Variants in ADAMTS18 observed in about 807,000 individuals in gnomAD.
The protein encoded by ADAMTS18 is ADAM metallopeptidase with thrombospondin type 1 motif 18.
Under a neutral mutation model 165.9 loss-of-function variants are expected in ADAMTS18, and 157 were observed. That is an observed-to-expected ratio of 0.95 (90% CI 0.83 to 1.08). ADAMTS18 has a LOEUF of 1.08. Ranked by LOEUF, ADAMTS18 falls within the 50% of genes least tolerant of loss-of-function variation. The probability of loss-of-function intolerance (pLI) is 0.00; values close to 1 mark genes in which losing one functional copy is unlikely to be tolerated. For missense variants in ADAMTS18, 2,040 were observed against 1,534.0 expected (o/e 1.33, Z -5.51); for synonymous variants, 782 against 578.2 (o/e 1.35, Z -5.06).
chr16:77,351,430 G>T (rs529223461), intron 10 of ADAMTS18, among the ~76,000 whole-genome samples: 7 of 152,250 alleles, frequency 4.6e-5, no homozygotes, highest in African/African-American at 1.4e-4. Context: ...ATTTAAAAAG[G>T]TTGTTTAAGC....
intron 12 of ADAMTS18, among the ~76,000 whole-genome samples, chr16:77,330,789 T>C (rs369306164): frequency 1.6e-4 from 25 of 152,194 alleles, no homozygotes; most frequent in Admixed American, 6.5e-4. Context: ...ATAAAGTCTG[T>C]TCTGGGAAAA....
chr16:77,334,166 A>ATAT (rs2056244021), intron 12 of ADAMTS18, among the ~76,000 whole-genome samples: 1 of 96,314 alleles, frequency 1.0e-5, no homozygotes, highest in African/African-American at 4.3e-5. Flanking sequence ...ATACAGTGTT[A>ATAT]TATATTATAT....
rs778088190 is a variant in ADAMTS18, at chr16:77,367,494, T to C, written c.725A>G (p.Glu242Gly). The change falls in exon 4 of 23, where the codon GAG (glutamate) becomes GGG (glycine). Residue 242 changes from glutamate (E) to glycine (G), a missense_variant. Transcript: ENST00000282849. Reference sequence around the variant, plus strand: ...CTTTTGCAACCTTCGATGGTGATACTCTGTCTCTCGACTCTGAGATGCATG... The same window carrying C: ...CTTTTGCAACCTTCGATGGTGATACCCTGTCTCTCGACTCTGAGATGCATG... ...IPHASQSRET[E>G]YHHRRLQKQH... 1 of 1,614,204 alleles carries C rather than the reference T, an allele frequency of 6.2e-7. No homozygotes were observed. The highest frequency in any genetic ancestry group is 8.5e-7 in the Non-Finnish European group (1 of 1,180,010).
chr16:77,411,430 G>A (rs7206073), intron 3 of ADAMTS18, among the ~76,000 whole-genome samples: 3,016 of 152,234 alleles, frequency 0.02, 102 homozygotes, highest in African/African-American at 0.069. Context: ...TATTTCATGA[G>A]TCAGTAGATA....
At chr16:77,291,046 C>A in intron 21 of ADAMTS18, 1 of 513,866 alleles carries the variant, frequency 1.9e-6, no homozygotes, top group Non-Finnish European at 3.5e-6. Flanking sequence ...AAAAACAAAT[C>A]AACTCTCCCA....
At chr16:77,343,349 C>T (rs926929472) in intron 10 of ADAMTS18, among the ~76,000 whole-genome samples, 3 of 152,244 alleles carry the variant, frequency 2.0e-5, no homozygotes, top group Non-Finnish European at 4.4e-5. Flanking sequence ...GCTAGGATTG[C>T]TCACATGAGC....
Position 77,284,059 on chromosome 16 carries a change from C to A in ADAMTS18, c.3563G>T (p.Cys1188Phe). 1 of 1,610,418 alleles carries A rather than the reference C, an allele frequency of 6.2e-7. No homozygotes were observed. The highest frequency in any genetic ancestry group is 2.2e-5 in the East Asian group (1 of 44,824). Reference sequence around the variant, plus strand: ...GTGACACCAGTTGAAGAAATCTACGCAGGATGGATCCTCTAAAATAAGAAA... The same window carrying A: ...GTGACACCAGTTGAAGAAATCTACGAAGGATGGATCCTCTAAAATAAGAAA... ...PAPEKREDPS[C>F]VDFFNWCHLV... Residue 1188 changes from cysteine (C) to phenylalanine (F), a missense_variant, in exon 23 of 23, where the codon TGC (cysteine) becomes TTC (phenylalanine). By Grantham distance (205) the Cys-to-Phe change is radical (BLOSUM62 -2). Transcript: ENST00000282849.
chr16:77,285,524 A>G (rs1351305189), intron 22 of ADAMTS18, among the ~76,000 whole-genome samples: 1 of 151,074 alleles, frequency 6.6e-6, no homozygotes, highest in Non-Finnish European at 1.5e-5. Flanking sequence ...TTTAGAGTAT[A>G]CACTACACAT....
Position 77,297,229 on chromosome 16 carries a change from A to G in ADAMTS18, c.2801+60T>C. ...TCACAGTGAGCTTTCATCATCTCATAACAACAATGAAGGCATACAAGTACA... is the reference window on the plus strand; with the variant it reads ...TCACAGTGAGCTTTCATCATCTCATGACAACAATGAAGGCATACAAGTACA... On this transcript the variant is annotated intron_variant, in intron 18 of 22. Coordinates refer to ENST00000282849, the MANE Select transcript of ADAMTS18 (RefSeq NM_199355.4). 6.2e-6 allele frequency: 10 copies of G among 1,601,538 alleles called. 1 individual carries two copies. The Admixed American group carries it at 1.7e-4, about 27-fold the overall frequency.
intron 15 of ADAMTS18, among the ~76,000 whole-genome samples, chr16:77,320,607 C>T (rs2055978852): frequency 6.7e-6 from 1 of 148,702 alleles, no homozygotes; most frequent in African/African-American, 2.5e-5. Flanking sequence ...CTACTGCACT[C>T]CAGCCTGGGT....
chr16:77,319,554 G>T (rs920394030), intron 16 of ADAMTS18, among the ~76,000 whole-genome samples: 1 of 152,060 alleles, frequency 6.6e-6, no homozygotes, highest in Non-Finnish European at 1.5e-5. Context: ...CAATTCTCCC[G>T]CCTCAGCCCC....
chr16:77,434,896 C>G lies in ADAMTS18; in HGVS notation c.-201G>C, dbSNP rs886250645. 2.4e-6 allele frequency: 1 copy of G among 419,840 alleles called. No homozygotes were observed. Among genetic ancestry groups the G allele is most frequent in the Admixed American group, 4.7e-5 (1 of 21,328 alleles). The allele number at this position is 419,840 out of a possible 1,614,324, so 26.0% of individuals were successfully genotyped here. A position where few individuals can be genotyped will look rare whatever the true frequency, so the allele number is the denominator to read the frequency against. On this transcript the variant is annotated 5_prime_UTR_variant, in exon 1 of 23. Coordinates refer to ENST00000282849, the MANE Select transcript of ADAMTS18 (RefSeq NM_199355.4). ...CTGCGCGCCCTCCCTTCTCCCGGCG[C>G]GGGCCTGCCGAGCTGCAGTTTGCGG... is the stretch of plus-strand genomic sequence containing the variant.
Position 77,364,273 on chromosome 16 carries a change from T to C in ADAMTS18, c.887A>G (p.Glu296Gly). Residue 296 changes from glutamate to glycine, a missense_variant, in exon 5 of 23, where the codon GAA (glutamate) becomes GGA (glycine). Coordinates refer to ENST00000282849, the MANE Select transcript of ADAMTS18 (RefSeq NM_199355.4). Reference sequence around the variant, plus strand: ...TTTCTTGTCTGCCACCACGAGGGTTTCCACATTGAGGCCCTTTTGTGATTT... The same window carrying C: ...TTTCTTGTCTGCCACCACGAGGGTTCCCACATTGAGGCCCTTTTGTGATTT... ...AGKSQKGLNV[E>G]TLVVADKKMV... is the part of the protein sequence containing the mutation. 6.2e-7 allele frequency: 1 copy of C among 1,614,036 alleles called. No individual in the cohort carries two copies. The highest frequency in any genetic ancestry group is 1.1e-5 in the South Asian group (1 of 91,070).
At chr16:77,355,881 G>T in intron 9 of ADAMTS18, 59 bp downstream of exon 9, 1 of 1,606,640 alleles carries the variant, frequency 6.2e-7, no homozygotes, top group Non-Finnish European at 8.5e-7. Flanking sequence ...CAGGTCTATG[G>T]AGCACAATTC....
chr16:77,327,247 T>C (rs1206302566), intron 12 of ADAMTS18, among the ~76,000 whole-genome samples: 1 of 152,194 alleles, frequency 6.6e-6, no homozygotes, highest in Non-Finnish European at 1.5e-5. Flanking sequence ...AAAAGTTCTT[T>C]AGTAGTCATT....
intron 3 of ADAMTS18, among the ~76,000 whole-genome samples, chr16:77,413,140 G>C (rs1232662670): frequency 5.3e-5 from 8 of 152,124 alleles, no homozygotes; most frequent in Admixed American, 1.3e-4. Context: ...AGACAGAGGA[G>C]TCACACCTGA....
chr16:77,325,746 T>TCTGGG, intron 13 of ADAMTS18, 120 bp downstream of exon 13: 1 of 1,016,210 alleles, frequency 9.8e-7, no homozygotes, highest in Non-Finnish European at 1.4e-6. Context: ...CCAGGATGGG[T>TCTGGG]CTGGGGAGTG....
At chr16:77,299,698 C>G (rs533654081) in intron 17 of ADAMTS18, among the ~76,000 whole-genome samples, 1 of 152,328 alleles carries the variant, frequency 6.6e-6, no homozygotes, top group East Asian at 1.9e-4. Flanking sequence ...AAAACGCCTT[C>G]CTTCTACTCA....
chr16:77,404,294 C>A (rs1199691593), intron 3 of ADAMTS18, among the ~76,000 whole-genome samples: 2 of 152,158 alleles, frequency 1.3e-5, no homozygotes, highest in Non-Finnish European at 2.9e-5. Flanking sequence ...GAAGGTGGAA[C>A]TTTTCAGGGC....
Sources: allele counts gnomAD v4.1 joint callset (sites outside exome capture counted in the v4.1 genomes callset), GRCh38; gene constraint gnomAD v4.1.1; transcripts MANE v1.5; gene names NCBI Gene and HGNC (gene_info 2026-07-23, HGNC 2026-07-21).